The following ERMARD variants were observed in gnomAD, a reference collection of about 807,000 sequenced individuals.
ERMARD encodes ER membrane associated RNA degradation.
A neutral mutation model predicts 83.9 loss-of-function variants in ERMARD; 71 were observed. The ratio of observed to expected loss-of-function variants is 0.85; its 90% CI spans 0.70 to 1.03. ERMARD has a LOEUF of 1.03. Among genes scored for constraint, ERMARD ranks in the 50% least tolerant of loss-of-function variants. The probability of loss-of-function intolerance (pLI) is 0.00; values close to 1 mark genes in which losing one functional copy is unlikely to be tolerated. For synonymous variants in ERMARD, 284 were observed against 298.6 expected (o/e 0.95, Z 0.50); for missense variants, 838 against 810.9 (o/e 1.03, Z -0.41).
At chr6:169,751,478 C>A, upstream of ERMARD, 2 of 1,612,394 alleles carry the variant, frequency 1.2e-6, no homozygotes, top group Non-Finnish European at 1.7e-6. Context: ...TTCTCCAAGA[C>A]GCCCACCGCC....
At chr6:169,758,519 C>A (rs1371196644) in intron 5 of ERMARD, among the ~76,000 whole-genome samples, 1 of 152,238 alleles carries the variant, frequency 6.6e-6, no homozygotes, top group Non-Finnish European at 1.5e-5. Flanking sequence ...CTCTGTTTAA[C>A]CACACAATTG....
At chr6:169,766,534 T>C (rs1792232076) in intron 9 of ERMARD, 104 bp from the exon 10 acceptor site, 1 of 803,196 alleles carries the variant, frequency 1.2e-6, no homozygotes, top group Non-Finnish European at 1.9e-6. Context: ...CAAAAAACTT[T>C]GGGATGTGTG....
chr6:169,775,338 A>C lies in ERMARD; in HGVS notation c.1386A>C (p.Gln462His). 1 of 1,614,104 alleles carries C rather than the reference A, an allele frequency of 6.2e-7. No individual in the cohort carries two copies. Among genetic ancestry groups the C allele is most frequent in the South Asian group, 1.1e-5 (1 of 91,072 alleles). Residue 462 changes from glutamine (Q) to histidine (H), a missense_variant, in exon 14 of 18, where the codon CAA becomes CAC. By Grantham distance (24) the Gln-to-His change is conservative. Transcript: ENST00000366773. ...LLPFPEELTRQAVRLEDNSET... is the reference protein window; with the variant it reads ...LLPFPEELTRHAVRLEDNSET... ...CTTTCCCCGAAGAACTCACTCGGCAAGCCGTCAGGTGCGTGGCATCCTGGG... is the reference window on the plus strand; with the variant it reads ...CTTTCCCCGAAGAACTCACTCGGCACGCCGTCAGGTGCGTGGCATCCTGGG...
chr6:169,762,935 C>T (rs909784005), intron 9 of ERMARD, among the ~76,000 whole-genome samples: 10 of 152,144 alleles, frequency 6.6e-5, no homozygotes, highest in Admixed American at 6.5e-4. Context: ...AAATGGAAGA[C>T]GTAGGATTTG....
chr6:169,756,600 G>T lies in ERMARD; in HGVS notation c.418-119G>T. ...CCTTTTGAATGATTATGAAATCAAA[G>T]GATTGGTGTCTAAGTACTTTTCACC... On this transcript the variant is annotated intron_variant, in intron 4 of 17. Coordinates refer to ENST00000366773, the MANE Select transcript of ERMARD (RefSeq NM_018341.3). 3 of 974,696 alleles carry T rather than the reference G, an allele frequency of 3.1e-6. No individual in the cohort carries two copies. The South Asian group carries it at 4.8e-5, about 15-fold the overall frequency. The allele number at this position is 974,696 out of a possible 1,614,324, so 60.4% of individuals were successfully genotyped here.
Position 169,768,096 on chromosome 6 carries a change from G to A in ERMARD, c.991-7G>A. 6.2e-7 allele frequency: 1 copy of A among 1,612,386 alleles called. No homozygotes were observed. Among genetic ancestry groups the A allele is most frequent in the Non-Finnish European group, 8.5e-7 (1 of 1,178,478 alleles). ...GTTAACCAATGTATTTATTTTTGAT[G>A]TTTTAGATATTGGCAAAACACTTGA... On this transcript the variant is annotated splice_polypyrimidine_tract_variant and splice_region_variant and intron_variant, in intron 10 of 17. Transcript: ENST00000366773.
intron 8 of ERMARD, among the ~76,000 whole-genome samples, chr6:169,762,138 T>G (rs549730175): frequency 5.9e-5 from 9 of 152,214 alleles, no homozygotes; most frequent in Admixed American, 2.0e-4. Flanking sequence ...CAAGCTAGAG[T>G]GTAGTAGCAC....
intron 17 of ERMARD, among the ~76,000 whole-genome samples, chr6:169,780,985 TG>T: frequency 6.6e-6 from 1 of 152,334 alleles, no homozygotes; most frequent in East Asian, 1.9e-4. Context: ...GTGTTTATTT[TG>T]TGCTGTGTGT....
chr6:169,766,069 C>A (rs1002115371), intron 9 of ERMARD, among the ~76,000 whole-genome samples: 1 of 152,014 alleles, frequency 6.6e-6, no homozygotes, highest in Non-Finnish European at 1.5e-5. Flanking sequence ...CCCCAAAAGC[C>A]TTTTGAGATA....
At chr6:169,775,029 A>G (rs1206680572) in intron 13 of ERMARD, among the ~76,000 whole-genome samples, 1 of 152,166 alleles carries the variant, frequency 6.6e-6, no homozygotes, top group Non-Finnish European at 1.5e-5. Context: ...GTGTCCAAAG[A>G]ACCTGTGGAC....
At chr6:169,763,937 A>C (rs1359101179) in intron 9 of ERMARD, among the ~76,000 whole-genome samples, 1 of 152,234 alleles carries the variant, frequency 6.6e-6, no homozygotes, top group African/African-American at 2.4e-5. Flanking sequence ...AAATATCTTC[A>C]TGTGAGTTTT....
In ERMARD at chr6:169,768,128, G is replaced by A; in HGVS notation, c.1016G>A (p.Gly339Asp). 1.2e-6 allele frequency: 2 copies of A among 1,614,060 alleles called. No homozygotes were observed. The highest frequency in any genetic ancestry group is 4.5e-5 in the East Asian group (2 of 44,872). ...DQILAKHLND[G>D]KINQLPLFLG... Reference sequence around the variant, plus strand: ...ATATTGGCAAAACACTTGAATGATGGTAAAATCAATCAGCTTCCTCTTTTC... The same window carrying A: ...ATATTGGCAAAACACTTGAATGATGATAAAATCAATCAGCTTCCTCTTTTC... Residue 339 changes from glycine to aspartate, a missense_variant, in exon 11 of 18, where the codon GGT (glycine) becomes GAT (aspartate). Transcript: ENST00000366773.
At position 169,776,673 on chromosome 6, in the gene ERMARD, G is replaced by T; in HGVS notation, c.1739G>T (p.Ser580Ile). The T allele has an allele frequency of 6.2e-7, 1 of 1,613,208 alleles. No individual in the cohort carries two copies. The highest frequency in any genetic ancestry group is 2.2e-5 in the East Asian group (1 of 44,878). Reference sequence around the variant, plus strand: ...CAGAACTACCTGCGTATGTGGAGTAGGTGCGCGCTCACTTTCCTGTTTTGG... The same window carrying T: ...CAGAACTACCTGCGTATGTGGAGTATGTGCGCGCTCACTTTCCTGTTTTGG... The part of the protein sequence containing the change: ...QRQNYLRMWS[S>I]IRLLSPVLSL... Residue 580 changes from serine (S) to isoleucine (I), a missense_variant and splice_region_variant, in exon 16 of 18, where the codon AGT becomes ATT. Transcript: ENST00000366773.
intron 13 of ERMARD, among the ~76,000 whole-genome samples, chr6:169,774,533 T>C (rs1315820626): frequency 6.6e-6 from 1 of 152,222 alleles, no homozygotes; most frequent in African/African-American, 2.4e-5. Flanking sequence ...TCCTCTGCTG[T>C]GCCCCATGGT....
Position 169,759,065 on chromosome 6 carries a change from A to G in ERMARD, c.605A>G (p.Lys202Arg). The G allele has an allele frequency of 6.2e-7, 1 of 1,612,860 alleles. No homozygotes were observed. The highest frequency in any genetic ancestry group is 1.1e-5 in the South Asian group (1 of 90,706). ...GFASPEEIPP[K>R]YCSMMILLTA... ...GCGTCACCTGAAGAAATTCCTCCAA[A>G]GTAAGTTGCAAGTGAAGACATTTTC... The change falls in exon 6 of 18, where the codon AAA becomes AGA. Residue 202 changes from lysine (K) to arginine (R), a missense_variant and splice_region_variant. Lys to Arg is a conservative substitution (Grantham distance 26, BLOSUM62 2). Transcript: ENST00000366773.
intron 4 of ERMARD, 130 bp from the exon 5 acceptor site, chr6:169,756,589 A>G (rs1790848209): frequency 5.2e-6 from 5 of 955,934 alleles, no homozygotes; most frequent in South Asian, 1.6e-5. Context: ...TTGAATGATT[A>G]TGAAATCAAA....
chr6:169,769,565 A>G lies in ERMARD; in HGVS notation c.1085A>G (p.His362Arg). The change falls in exon 12 of 18, where the codon CAT becomes CGT. Residue 362 changes from histidine (H) to arginine (R), a missense_variant. Coordinates refer to ENST00000366773, the MANE Select transcript of ERMARD (RefSeq NM_018341.3). ...AMEFLWDFLN[H>R]QEGPRIRDHL... The stretch of plus-strand genomic sequence containing the variant: ...GAATTTCTCTGGGATTTCCTGAACC[A>G]TCAGGAGGGTCCCCGCATAAGAGAT... 1 of 1,603,386 alleles carries G rather than the reference A, an allele frequency of 6.2e-7. No individual in the cohort carries two copies. Among genetic ancestry groups the G allele is most frequent in the Non-Finnish European group, 8.5e-7 (1 of 1,176,564 alleles).
Position 169,760,627 on chromosome 6 carries a change from T to A in ERMARD, c.743-15T>A, listed in dbSNP as rs940282964. ...ATCAGTATGATTGTGTTTAAAACCG[T>A]GTGTTATTTTACAGATGTTACTTAT... On this transcript the variant is annotated splice_polypyrimidine_tract_variant and intron_variant, in intron 7 of 17. Transcript: ENST00000366773. 6.6e-7 allele frequency: 1 copy of A among 1,521,920 alleles called. No homozygotes were observed. The highest frequency in any genetic ancestry group is 1.7e-5 in the Admixed American group (1 of 59,154). 94.3% of individuals were successfully genotyped at this position (1,521,920 alleles called of 1,614,324 possible). A position where few individuals can be genotyped will look rare whatever the true frequency, so the allele number is the denominator to read the frequency against.
At chr6:169,759,791 G>A (rs1487358422) in intron 6 of ERMARD, 47 bp from the exon 7 acceptor site, 8 of 1,515,914 alleles carry the variant, frequency 5.3e-6, no homozygotes, top group Non-Finnish European at 7.3e-6. Context: ...CTTTTTATAG[G>A]CATGATTGAG....
Sources: allele counts gnomAD v4.1 joint callset (sites outside exome capture counted in the v4.1 genomes callset), GRCh38; gene constraint gnomAD v4.1.1; transcripts MANE v1.5; gene names NCBI Gene and HGNC (gene_info 2026-07-23, HGNC 2026-07-21).